Variants in PPM1L observed in about 807,000 individuals in gnomAD.
PPM1L encodes the protein protein phosphatase, Mg2+/Mn2+ dependent 1L.
In PPM1L, 13 loss-of-function variants were observed where a neutral mutation model predicts 31.4. That is an observed-to-expected ratio of 0.41 (90% CI 0.27 to 0.66). The LOEUF (loss-of-function observed/expected upper bound fraction) is 0.66, where lower values mean the gene tolerates loss of function less well. PPM1L is among the 30% of genes least tolerant of loss of function. PPM1L has a pLI of 0.29. For missense variants in PPM1L, 326 were observed against 453.7 expected (o/e 0.72, Z 2.56); for synonymous variants, 184 against 175.4 (o/e 1.05, Z -0.39).
At chr3:161,002,702 A>C (rs1309604064) in intron 2 of PPM1L, among the ~76,000 whole-genome samples, 1 of 142,542 alleles carries the variant, frequency 7.0e-6, no homozygotes, top group East Asian at 2.0e-4. Context: ...TTTTTCTTGT[A>C]AATTTGTTTG....
At chr3:160,758,468 G>A (rs1375313052) in intron 1 of PPM1L, among the ~76,000 whole-genome samples, 2 of 152,076 alleles carry the variant, frequency 1.3e-5, no homozygotes, top group Non-Finnish European at 2.9e-5. Flanking sequence ...TCTGGTCTTA[G>A]AAAGCACAGT....
intron 1 of PPM1L, among the ~76,000 whole-genome samples, chr3:160,793,128 A>T (rs1712150295): frequency 6.6e-6 from 1 of 152,170 alleles, no homozygotes; most frequent in Non-Finnish European, 1.5e-5. Flanking sequence ...CACCTGTGAG[A>T]TTACCCTCGC....
At chr3:160,868,674 G>A (rs1435133797) in intron 1 of PPM1L, among the ~76,000 whole-genome samples, 21 of 150,512 alleles carry the variant, frequency 1.4e-4, no homozygotes. Flanking sequence ...TTTTAGTAAA[G>A]TGGACAGATT....
At chr3:160,939,745 C>T (rs1280685702) in intron 1 of PPM1L, 1 of 167,314 alleles carries the variant, frequency 6.0e-6, no homozygotes, top group Non-Finnish European at 1.2e-5. Flanking sequence ...TCTTTTTCTT[C>T]CCAGTCTCAG....
At chr3:160,850,447 A>G (rs982692371) in intron 1 of PPM1L, among the ~76,000 whole-genome samples, 1 of 152,100 alleles carries the variant, frequency 6.6e-6, no homozygotes, top group African/African-American at 2.4e-5. Context: ...GTTTCATTAA[A>G]TAGTCATTGT....
chr3:161,076,876 A>G lies in PPM1L; in HGVS notation c.*7719A>G, dbSNP rs73158298. ...AGTTTTTTTCTTAAAAATAAATAGA[A>G]GCATCATTGCATTTATAACAGATTG... On this transcript the variant is annotated 3_prime_UTR_variant, in exon 4 of 4. Coordinates refer to ENST00000498165, the MANE Select transcript of PPM1L (RefSeq NM_139245.4). 1 of 152,374 alleles carries G rather than the reference A, an allele frequency of 6.6e-6. No individual in the cohort carries two copies. Among genetic ancestry groups the G allele is most frequent in the Non-Finnish European group, 1.5e-5 (1 of 68,032 alleles). 9.4% of individuals were successfully genotyped at this position (152,374 alleles called of 1,614,324 possible).
chr3:160,908,780 C>A (rs1400204322), intron 1 of PPM1L, among the ~76,000 whole-genome samples: 1 of 152,108 alleles, frequency 6.6e-6, no homozygotes, highest in Non-Finnish European at 1.5e-5. Flanking sequence ...TACTGTCTTA[C>A]AGGGACAGGT....
rs71912617 is a variant in PPM1L, at chr3:160,808,383, C to CTGTGTG, written c.399+51711_399+51716dup. 2.2e-3 allele frequency among the ~76,000 whole-genome samples: 240 copies of CTGTGTG among 110,352 alleles called. 2 individuals are homozygous for CTGTGTG. The highest frequency in any genetic ancestry group is 0.013 in the East Asian group (54 of 4,258). 72.4% of individuals were successfully genotyped at this position (110,352 alleles called of 152,430 possible). A position where few individuals can be genotyped will look rare whatever the true frequency, so the allele number is the denominator to read the frequency against. On this transcript the variant is annotated intron_variant, in intron 1 of 3. Transcript: ENST00000498165. The stretch of plus-strand genomic sequence containing the variant: ...TAAGAGCTGCAGTGCCAGGATTTTC[C>CTGTGTG]TGTGTGTGTGTGTGTGTGTGTGTGT...
chr3:160,983,059 CT>C (rs1576761332), intron 2 of PPM1L, among the ~76,000 whole-genome samples: 1 of 152,126 alleles, frequency 6.6e-6, no homozygotes, highest in Non-Finnish European at 1.5e-5. Context: ...ACCAAAATGC[CT>C]TCACAGAATT....
chr3:160,977,932 C>G (rs1351048251), intron 2 of PPM1L, among the ~76,000 whole-genome samples: 2 of 152,144 alleles, frequency 1.3e-5, no homozygotes, highest in African/African-American at 4.8e-5. Flanking sequence ...CACAAGACTT[C>G]CTGTGTATGG....
intron 1 of PPM1L, among the ~76,000 whole-genome samples, chr3:160,848,991 C>T (rs1447041666): frequency 6.6e-6 from 1 of 152,174 alleles, no homozygotes; most frequent in Non-Finnish European, 1.5e-5. Context: ...CGATGGCCTT[C>T]TCTCTCCAGT....
At chr3:161,046,562 A>G (rs1386140347) in intron 2 of PPM1L, among the ~76,000 whole-genome samples, 1 of 152,234 alleles carries the variant, frequency 6.6e-6, no homozygotes, top group Non-Finnish European at 1.5e-5. Flanking sequence ...CAATAGAAAA[A>G]GAAGGAATCC....
chr3:161,039,647 C>T (rs559648233), intron 2 of PPM1L, among the ~76,000 whole-genome samples: 66 of 152,186 alleles, frequency 4.3e-4, no homozygotes, highest in African/African-American at 1.5e-3. Flanking sequence ...CTCAGCCTCC[C>T]GAGTAGCTGG....
At chr3:160,922,629 C>T (rs1425537616) in intron 1 of PPM1L, among the ~76,000 whole-genome samples, 2 of 152,168 alleles carry the variant, frequency 1.3e-5, no homozygotes, top group Non-Finnish European at 2.9e-5. Context: ...ACAACTCTAA[C>T]AGATACTTAC....
intron 1 of PPM1L, among the ~76,000 whole-genome samples, chr3:160,881,040 T>C (rs1712693780): frequency 6.6e-6 from 1 of 152,244 alleles, no homozygotes; most frequent in Admixed American, 6.5e-5. Context: ...TGTGTGATTC[T>C]TGATACAGAG....
intron 1 of PPM1L, among the ~76,000 whole-genome samples, chr3:160,847,347 AATAGAT>A (rs1310885374): frequency 6.6e-6 from 1 of 152,214 alleles, no homozygotes; most frequent in Admixed American, 6.5e-5. Context: ...TAATGTAAAA[AATAGAT>A]ATAGAGTGGA....
chr3:161,068,766 G>T, intron 3 of PPM1L, 45 bp from the exon 4 acceptor site: 1 of 1,508,338 alleles, frequency 6.6e-7, no homozygotes, highest in South Asian at 1.3e-5. Context: ...CCAGGTAAGT[G>T]AGATATCAGC....
rs1407982877 is a variant in PPM1L, at chr3:160,899,875, GAA to G, written c.400-61859_400-61858del. 2.6e-5 allele frequency among the ~76,000 whole-genome samples: 4 copies of G among 152,142 alleles called. No individual in the cohort carries two copies. In the East Asian group the frequency reaches 7.7e-4, roughly 29 times the overall value. On this transcript the variant is annotated intron_variant, in intron 1 of 3. Coordinates refer to ENST00000498165, the MANE Select transcript of PPM1L (RefSeq NM_139245.4). ...TTTCTAAAGAGTGAGTGTGAAGGTAGAAACTTGTTTATTAGATTATTTGAATC... is the reference window on the plus strand; with the variant it reads ...TTTCTAAAGAGTGAGTGTGAAGGTAGACTTGTTTATTAGATTATTTGAATC...
intron 1 of PPM1L, among the ~76,000 whole-genome samples, chr3:160,854,013 T>A (rs185098990): frequency 2.9e-4 from 44 of 152,320 alleles, no homozygotes; most frequent in African/African-American, 9.9e-4. Flanking sequence ...TAGATAGCAA[T>A]GTCAAGTTAG....
Sources: gnomAD v4.1 joint callset for allele counts (sites outside exome capture counted in the v4.1 genomes callset) on GRCh38, gnomAD v4.1.1 for gene constraint, MANE v1.5 for transcripts, NCBI Gene and HGNC (gene_info 2026-07-23, HGNC 2026-07-21) for gene names.